The following KMT2E variants were observed in gnomAD, a reference collection of about 807,000 sequenced individuals.
KMT2E encodes the protein histone reader KMT2E.
KMT2E carries 30 observed loss-of-function variants against 184.6 expected under a neutral mutation model. The observed-to-expected ratio is 0.16, with a 90% CI of 0.12 to 0.22. KMT2E has a LOEUF of 0.22. KMT2E is among the 10% of genes least tolerant of loss of function. The probability of loss-of-function intolerance (pLI) is 1.00; values close to 1 mark genes in which losing one functional copy is unlikely to be tolerated. For synonymous variants in KMT2E, 815 were observed against 776.5 expected (o/e 1.05, Z -0.82); for missense variants, 2,023 against 2,237.4 (o/e 0.90, Z 1.93).
At chr7:105,031,883 A>G (rs1795433930) in intron 1 of KMT2E, among the ~76,000 whole-genome samples, 1 of 151,782 alleles carries the variant, frequency 6.6e-6, no homozygotes, top group South Asian at 2.1e-4. Flanking sequence ...CAGTGTGGCC[A>G]ACATGATAAA....
At chr7:105,070,678 TG>T (rs1797248472) in intron 6 of KMT2E, among the ~76,000 whole-genome samples, 1 of 136,428 alleles carries the variant, frequency 7.3e-6, no homozygotes, top group Admixed American at 7.5e-5. Context: ...CTGGATAAGA[TG>T]GTATGTGTCT....
Position 105,113,253 on chromosome 7 carries a change from G to T in KMT2E, c.5497G>T (p.Val1833Leu). The T allele has an allele frequency of 1.2e-6, 2 of 1,614,208 alleles. No homozygotes were observed. Among genetic ancestry groups the T allele is most frequent in the Middle Eastern group, 1.6e-4 (1 of 6,062 alleles). Residue 1833 changes from valine (V) to leucine (L), a missense_variant, in exon 27 of 27, where the codon GTG becomes TTG. Physicochemically the swap from Val to Leu is conservative, Grantham distance 32. Transcript: ENST00000311117. The stretch of plus-strand genomic sequence containing the variant: ...TCAAGGACCTCAGCAGGCATCTCCA[G>T]TGCCTGGACAGATTCCAATTCACAG... ...GVQGPQQASP[V>L]PGQIPIHRAQ...
chr7:105,028,168 A>AC (rs1270586523), intron 1 of KMT2E, among the ~76,000 whole-genome samples: 1 of 150,126 alleles, frequency 6.7e-6, no homozygotes, highest in Non-Finnish European at 1.5e-5. Flanking sequence ...AGGAACTGAG[A>AC]CTTTTTTTTT....
intron 1 of KMT2E, among the ~76,000 whole-genome samples, chr7:105,035,477 C>CTT (rs555332252): frequency 2.1e-5 from 3 of 142,386 alleles, no homozygotes; most frequent in South Asian, 4.5e-4. Context: ...CCAAGATCGG[C>CTT]TTTTTTTTTT....
At chr7:105,082,457 ATAAAG>A (rs1797795462) in intron 13 of KMT2E, among the ~76,000 whole-genome samples, 1 of 152,230 alleles carries the variant, frequency 6.6e-6, no homozygotes, top group Non-Finnish European at 1.5e-5. Context: ...TATTCTTACA[ATAAAG>A]TAAGCTGGAG....
chr7:105,054,331 C>A (rs1796473966), intron 3 of KMT2E, among the ~76,000 whole-genome samples: 1 of 151,706 alleles, frequency 6.6e-6, no homozygotes, highest in Admixed American at 6.6e-5. Flanking sequence ...ACCCTGTGTT[C>A]TGTACCTCAT....
chr7:105,025,977 A>C (rs1471866481), intron 1 of KMT2E, among the ~76,000 whole-genome samples: 1 of 152,200 alleles, frequency 6.6e-6, no homozygotes, highest in Admixed American at 6.5e-5. Flanking sequence ...TGCATTATTG[A>C]TCTGGTTTAT....
chr7:105,071,580 G>GTATATATA (rs1438005247), intron 6 of KMT2E, among the ~76,000 whole-genome samples: 13 of 64,992 alleles, frequency 2.0e-4, no homozygotes, highest in African/African-American at 7.9e-4. Context: ...GTATGTGTGT[G>GTATATATA]TGTATATATA....
chr7:105,047,946 G>C (rs192557252), intron 3 of KMT2E, among the ~76,000 whole-genome samples: 2 of 152,210 alleles, frequency 1.3e-5, no homozygotes, highest in African/African-American at 4.8e-5. Context: ...CTAAGAGCTA[G>C]CACAAGACAA....
intron 13 of KMT2E, chr7:105,089,409 G>T (rs961718654): frequency 7.3e-6 from 2 of 272,820 alleles, no homozygotes; most frequent in Non-Finnish European, 1.5e-5. Flanking sequence ...ATGTTGGCCA[G>T]GCTGGTCTCA....
At chr7:105,084,238 A>G (rs1408272069) in intron 13 of KMT2E, among the ~76,000 whole-genome samples, 5 of 152,144 alleles carry the variant, frequency 3.3e-5, no homozygotes, top group African/African-American at 7.2e-5. Context: ...TAGCAATTCA[A>G]CTTCTTCTTG....
At chr7:105,039,085 T>C (rs187855442) in intron 2 of KMT2E, 2 of 152,220 alleles carry the variant, frequency 1.3e-5, no homozygotes, top group Admixed American at 1.3e-4. Context: ...TGATAGTTCA[T>C]TTAGTTAATT....
At chr7:105,041,172 C>G (rs1795862602) in intron 3 of KMT2E, 149 bp downstream of exon 3, 1 of 566,220 alleles carries the variant, frequency 1.8e-6, no homozygotes, top group African/African-American at 1.9e-5. Flanking sequence ...AGTTACCTTT[C>G]TTTCTCAAAC....
chr7:105,058,604 A>G (rs551956746), intron 3 of KMT2E, among the ~76,000 whole-genome samples: 2 of 152,340 alleles, frequency 1.3e-5, no homozygotes, highest in South Asian at 4.1e-4. Context: ...GTTGCATGTT[A>G]GAATCCCCTT....
In KMT2E at chr7:105,112,677, G is replaced by T; in HGVS notation, c.4921G>T (p.Val1641Leu). Residue 1641 changes from valine to leucine, a missense_variant, in exon 27 of 27, where the codon GTA (valine) becomes TTA (leucine). Around this residue, in one of 8 missense-constraint regions of KMT2E, gnomAD observed 1,108 missense variants for 1,050.9 expected, o/e 1.05. Coordinates refer to ENST00000311117, the MANE Select transcript of KMT2E (RefSeq NM_182931.3). ...ACCACCTGCTCCAGGACCGCACCTT[G>T]TACAACAGCCGAATTCCCATCAGCA... Reference protein sequence around the residue: ...PPPPAPGPHLVQQPNSHQQHS... With the variant: ...PPPPAPGPHLLQQPNSHQQHS... 1 of 1,613,680 alleles carries T rather than the reference G, an allele frequency of 6.2e-7. No individual in the cohort carries two copies. Among genetic ancestry groups the T allele is most frequent in the Non-Finnish European group, 8.5e-7 (1 of 1,179,924 alleles).
At chr7:105,092,296 A>G (rs1306389484) in intron 15 of KMT2E, among the ~76,000 whole-genome samples, 1 of 152,136 alleles carries the variant, frequency 6.6e-6, no homozygotes, top group Non-Finnish European at 1.5e-5. Context: ...CAGCTATTCA[A>G]GAGGCTGAGG....
rs938995643 is a variant in KMT2E at position 105,112,681 on chromosome 7, A to C, written c.4925A>C (p.Gln1642Pro). The change falls in exon 27 of 27, where the codon CAA becomes CCA. Residue 1642 changes from glutamine (Q) to proline (P), a missense_variant. By Grantham distance (76) the Gln-to-Pro change is moderately conservative. Coordinates refer to ENST00000311117, the MANE Select transcript of KMT2E (RefSeq NM_182931.3). ...CCTGCTCCAGGACCGCACCTTGTAC[A>C]ACAGCCGAATTCCCATCAGCAACAC... ...PPPAPGPHLV[Q>P]QPNSHQQHSV... 6.2e-7 allele frequency: 1 copy of C among 1,613,666 alleles called. No homozygotes were observed. The highest frequency in any genetic ancestry group is 8.5e-7 in the Non-Finnish European group (1 of 1,179,960).
intron 1 of KMT2E, among the ~76,000 whole-genome samples, chr7:105,023,164 C>G (rs1795022034): frequency 6.6e-6 from 1 of 151,980 alleles, no homozygotes; most frequent in African/African-American, 2.4e-5. Flanking sequence ...AGCTTAATTT[C>G]TAAGGGCCAA....
intron 17 of KMT2E, chr7:105,102,431 T>A (rs779643227): frequency 1.1e-4 from 36 of 338,740 alleles, no homozygotes; most frequent in Non-Finnish European, 1.6e-4. Context: ...TTGCAATTCA[T>A]GATTTCTTTA....
Sources: gnomAD v4.1 joint callset for allele counts (sites outside exome capture counted in the v4.1 genomes callset) on GRCh38, gnomAD v4.1.1 for gene constraint, gnomAD v4.1.1 regional missense constraint, MANE v1.5 for transcripts, NCBI Gene and HGNC (gene_info 2026-07-23, HGNC 2026-07-21) for gene names.